Variants in WIPF1 observed in about 807,000 individuals in gnomAD.
The protein encoded by WIPF1 is WAS/WASL interacting protein family member 1.
In WIPF1, 13 loss-of-function variants were observed where a neutral mutation model predicts 35.4. The observed-to-expected ratio is 0.37, with a 90% confidence interval of 0.24 to 0.58. The LOEUF (loss-of-function observed/expected upper bound fraction) is 0.58, where lower values mean the gene tolerates loss of function less well. Ranked by LOEUF, WIPF1 falls within the 20% of genes least tolerant of loss-of-function variation. WIPF1 has a pLI of 0.74. For missense variants in WIPF1, 591 were observed against 667.0 expected (o/e 0.89, Z 1.25); for synonymous variants, 267 against 266.3 (o/e 1.00, Z -0.02).
chr2:174,636,815 C>T (rs1311393141), intron 1 of WIPF1, among the ~76,000 whole-genome samples: 1 of 152,202 alleles, frequency 6.6e-6, no homozygotes, highest in East Asian at 1.9e-4. Flanking sequence ...AGGAGGATCA[C>T]ACAGATAAAG....
chr2:174,661,177 T>G (rs1481809868), intron 1 of WIPF1, among the ~76,000 whole-genome samples: 1 of 152,226 alleles, frequency 6.6e-6, no homozygotes, highest in African/African-American at 2.4e-5. Context: ...GTGCAGCAGG[T>G]AGACCTGCCT....
chr2:174,601,076 C>T (rs754546132), upstream of WIPF1, among the ~76,000 whole-genome samples: 8 of 151,302 alleles, frequency 5.3e-5, no homozygotes, highest in Non-Finnish European at 8.8e-5. Context: ...CGTGCACCAC[C>T]ACGCCTGGCT....
chr2:174,607,905 G>T (rs949242998), intron 1 of WIPF1, among the ~76,000 whole-genome samples: 5 of 152,216 alleles, frequency 3.3e-5, no homozygotes, highest in African/African-American at 9.7e-5. Context: ...CCAGCTCTAA[G>T]TTTAGTTCTA....
At chr2:174,673,185 C>T (rs1688056971) in intron 1 of WIPF1, 1 of 152,188 alleles carries the variant, frequency 6.6e-6, no homozygotes, top group Non-Finnish European at 1.5e-5. Flanking sequence ...TAATGCAGCT[C>T]CCTACCAAGG....
chr2:174,581,154 C>T, intron 3 of WIPF1, 156 bp downstream of exon 3: 9 of 1,017,958 alleles, frequency 8.8e-6, no homozygotes, highest in South Asian at 4.0e-5. Flanking sequence ...GCCAAAGCTG[C>T]GGCCTACAGG....
At chr2:174,642,582 C>T (rs574882158) in intron 1 of WIPF1, among the ~76,000 whole-genome samples, 3 of 151,798 alleles carry the variant, frequency 2.0e-5, no homozygotes, top group African/African-American at 2.4e-5. Flanking sequence ...CTCTTGAGCT[C>T]GTGATCCACC....
chr2:174,610,740 C>T (rs954722818), intron 1 of WIPF1, among the ~76,000 whole-genome samples: 1 of 152,136 alleles, frequency 6.6e-6, no homozygotes, highest in African/African-American at 2.4e-5. Context: ...CTAAGGTCAA[C>T]GTGTCAGAAT....
intron 1 of WIPF1, among the ~76,000 whole-genome samples, chr2:174,642,965 G>A (rs1404592864): frequency 6.7e-6 from 1 of 149,336 alleles, no homozygotes; most frequent in Non-Finnish European, 1.5e-5. Context: ...ACATTTTGAT[G>A]CATTATATTC....
intron 1 of WIPF1, among the ~76,000 whole-genome samples, chr2:174,647,439 T>C (rs1167018600): frequency 6.6e-6 from 1 of 151,656 alleles, no homozygotes; most frequent in Non-Finnish European, 1.5e-5. Context: ...AATGGCGCGA[T>C]CTCAGCTCAC....
rs138110369 is a variant in WIPF1 at position 174,590,166 on chromosome 2, C to T, written c.-38-4555G>A. Among the ~76,000 whole-genome samples the T allele has an allele frequency of 0.012, 1,798 of 152,286 alleles. 19 individuals carry two copies. The highest frequency in any genetic ancestry group is 0.024 in the Middle Eastern group (7 of 294). On this transcript the variant is annotated intron_variant, in intron 1 of 7. Transcript: ENST00000679041. This position sits in a 1 kb window ranked among gnomAD's most constrained non-coding sequence, Gnocchi z 4.6. The stretch of plus-strand genomic sequence containing the variant: ...AGAATGAAAAAGGGAGAACATGAGA[C>T]CTTGGTCAGGCAAATTTGGTTCTGA...
chr2:174,601,674 C>G (rs140121902), upstream of WIPF1, among the ~76,000 whole-genome samples: 1 of 152,204 alleles, frequency 6.6e-6, no homozygotes, highest in Non-Finnish European at 1.5e-5. Flanking sequence ...CGCAGTGAAG[C>G]GGAGTTCTCA....
chr2:174,572,099 G>A lies in WIPF1; in HGVS notation c.706C>T (p.Arg236Cys), dbSNP rs201501814. 6.3e-6 allele frequency: 10 copies of A among 1,593,848 alleles called. No homozygotes were observed. In the African/African-American group the frequency reaches 6.7e-5, roughly 11 times the overall value. ...RGTALGGGSI[R>C]QSPLSSSSPF... ...GAGGAGGAGCTCAAGGGGGACTGAC[G>A]TATTGAGCCTCCTCCCAAAGCAGTG... The change falls in exon 5 of 8, where the codon CGT becomes TGT. Residue 236 changes from arginine to cysteine, a missense_variant. Transcript: ENST00000679041.
chr2:174,592,836 C>G (rs1292140723), intron 1 of WIPF1, among the ~76,000 whole-genome samples: 1 of 152,018 alleles, frequency 6.6e-6, no homozygotes, highest in African/African-American at 2.4e-5. Context: ...GAACTCCTGA[C>G]CTCACGTGAT....
intron 1 of WIPF1, among the ~76,000 whole-genome samples, chr2:174,647,814 A>T (rs965397850): frequency 2.0e-5 from 3 of 152,206 alleles, no homozygotes; most frequent in African/African-American, 7.2e-5. Flanking sequence ...GGCTACAAAG[A>T]ATTTTGGAGA....
In WIPF1 at chr2:174,674,903, TACACACACACACACACACACACACAC is replaced by T. The variant is rs35062209; in HGVS notation, c.-39+7845_-39+7870del. ...GCTTCTGTAAGTTGGCAGGTTCAAA[TACACACACACACACACACACACACAC>T]ACACACACACACACACACAGATGTT... On this transcript the variant is annotated intron_variant, in intron 1 of 8. Coordinates refer to the WIPF1 transcript ENST00000272746. Among the ~76,000 whole-genome samples, 16 of 134,022 alleles carry T rather than the reference TACACACACACACACACACACACACAC, an allele frequency of 1.2e-4. No homozygotes were observed. In the East Asian group the frequency reaches 2.3e-3, roughly 19 times the overall value. 87.9% of individuals were successfully genotyped at this position (134,022 alleles called of 152,430 possible). A position where few individuals can be genotyped will look rare whatever the true frequency, so the allele number is the denominator to read the frequency against.
chr2:174,587,817 C>CA (rs1172333526), intron 1 of WIPF1: 2 of 152,262 alleles, frequency 1.3e-5, no homozygotes, highest in African/African-American at 4.8e-5. Context: ...GCCTCACTCA[C>CA]TCACTGCCCT....
intron 1 of WIPF1, chr2:174,655,660 C>T (rs904851342): frequency 7.9e-5 from 12 of 152,326 alleles, no homozygotes; most frequent in African/African-American, 2.6e-4. Context: ...CACAGGATGA[C>T]TCCTCTATTG....
At chr2:174,659,546 G>C (rs1169230901) in intron 1 of WIPF1, among the ~76,000 whole-genome samples, 1 of 152,156 alleles carries the variant, frequency 6.6e-6, no homozygotes, top group African/African-American at 2.4e-5. Flanking sequence ...TGGCTTCTAG[G>C]TGAGGATGCA....
intron 1 of WIPF1, among the ~76,000 whole-genome samples, chr2:174,614,974 T>C (rs1271757057): frequency 1.3e-5 from 2 of 152,240 alleles, no homozygotes. Flanking sequence ...CAAAAATATT[T>C]ACAGCATAAG....
Sources: gnomAD v4.1 joint callset for allele counts (sites outside exome capture counted in the v4.1 genomes callset) on GRCh38, gnomAD v4.1.1 for gene constraint, Gnocchi (gnomAD v3.1) non-coding constraint, MANE v1.5 for transcripts, NCBI Gene and HGNC (gene_info 2026-07-23, HGNC 2026-07-21) for gene names.